Variants in SFI1 observed in about 807,000 individuals in gnomAD.
SFI1 encodes the protein protein SFI1 homolog.
Under a neutral mutation model 207.5 loss-of-function variants are expected in SFI1, and 195 were observed. That is an observed-to-expected ratio of 0.94 (90% CI 0.84 to 1.06). SFI1 has a LOEUF of 1.06. SFI1 is among the 50% of genes least tolerant of loss of function. SFI1 has a pLI of 0.00. For synonymous variants in SFI1, 630 were observed against 598.9 expected (o/e 1.05, Z -0.76); for missense variants, 1,634 against 1,588.0 (o/e 1.03, Z -0.49).
chr22:31,512,454 A>G (rs1009516318), intron 2 of SFI1, among the ~76,000 whole-genome samples: 2 of 141,794 alleles, frequency 1.4e-5, no homozygotes, highest in Non-Finnish European at 3.2e-5. Flanking sequence ...CTTTTTTTAT[A>G]TATTGACAAA....
intron 8 of SFI1, among the ~76,000 whole-genome samples, chr22:31,564,715 G>T (rs1440722401): frequency 6.7e-6 from 1 of 149,840 alleles, no homozygotes; most frequent in East Asian, 1.9e-4. Flanking sequence ...TCACCATGTT[G>T]CCCAGGCTGG....
Position 31,583,951 on chromosome 22 carries a change from A to C in SFI1, c.1325A>C (p.His442Pro), listed in dbSNP as rs189098164. Residue 442 changes from histidine (H) to proline (P), a missense_variant, in exon 13 of 33, where the codon CAT becomes CCT. Coordinates refer to ENST00000400288, the MANE Select transcript of SFI1 (RefSeq NM_001007467.3). ...KKERELLPLL[H>P]AAWDHYRIAL... ...GAAAGAGAGCTGCTCCCCTTACTGC[A>C]TGCTGCCTGGGACCACTACAGGTAG... 6.2e-7 allele frequency: 1 copy of C among 1,614,116 alleles called. No homozygotes were observed. Among genetic ancestry groups the C allele is most frequent in the Non-Finnish European group, 8.5e-7 (1 of 1,179,988 alleles).
chr22:31,604,522 C>A, intron 19 of SFI1, 118 bp downstream of exon 19: 1 of 905,172 alleles, frequency 1.1e-6, no homozygotes, highest in Non-Finnish European at 1.6e-6. Context: ...TGACACACCT[C>A]AAACCAAGCA....
chr22:31,507,202 C>T (rs1020692387), intron 1 of SFI1, among the ~76,000 whole-genome samples: 1 of 152,136 alleles, frequency 6.6e-6, no homozygotes, highest in Non-Finnish European at 1.5e-5. Flanking sequence ...AATAAGACTG[C>T]ACACCTACAA....
intron 4 of SFI1, among the ~76,000 whole-genome samples, chr22:31,540,517 T>A (rs1049677307): frequency 6.6e-6 from 1 of 151,774 alleles, no homozygotes; most frequent in East Asian, 2.0e-4. Flanking sequence ...CCTGACCTTG[T>A]GATCCACCCA....
At chr22:31,590,975 A>ATTTTTTTTTTTTTTT (rs997391866) in intron 15 of SFI1, among the ~76,000 whole-genome samples, 1 of 137,246 alleles carries the variant, frequency 7.3e-6, no homozygotes, top group African/African-American at 2.8e-5. Flanking sequence ...TTATTTATTT[A>ATTTTTTTTTTTTTTT]TTTATTTTTT....
chr22:31,545,569 A>AATTTTATTTT (rs554964981), intron 4 of SFI1, among the ~76,000 whole-genome samples: 11 of 92,582 alleles, frequency 1.2e-4, no homozygotes, highest in Admixed American at 1.2e-3. Context: ...AATTTAATTT[A>AATTTTATTTT]ATTTAATTTA....
intron 15 of SFI1, among the ~76,000 whole-genome samples, chr22:31,596,447 G>T (rs2067126130): frequency 6.6e-6 from 1 of 152,098 alleles, no homozygotes; most frequent in Admixed American, 6.6e-5. Context: ...AGACAGAGCA[G>T]CTTTGCCTTT....
At chr22:31,528,009 G>A (rs1884657994) in intron 2 of SFI1, among the ~76,000 whole-genome samples, 1 of 152,122 alleles carries the variant, frequency 6.6e-6, no homozygotes, top group African/African-American at 2.4e-5. Flanking sequence ...AGCTACTAGG[G>A]AGGCTGAGGC....
intron 3 of SFI1, chr22:31,530,597 C>T (rs1373722539): frequency 2.1e-6 from 1 of 469,974 alleles, no homozygotes; most frequent in Non-Finnish European, 4.4e-6. Context: ...TTCAGGGGCT[C>T]ACAGTGCAGA....
chr22:31,568,165 ATGTGTGTGTG>A (rs751455847), intron 8 of SFI1, among the ~76,000 whole-genome samples: 3 of 119,036 alleles, frequency 2.5e-5, no homozygotes, highest in East Asian at 2.7e-4. Flanking sequence ...CTATATATAT[ATGTGTGTGTG>A]TGTGTGTGTG....
intron 1 of SFI1, among the ~76,000 whole-genome samples, chr22:31,508,001 A>G (rs1014827326): frequency 1.3e-5 from 2 of 152,124 alleles, no homozygotes; most frequent in Admixed American, 6.6e-5. Flanking sequence ...GCTTGAGCCC[A>G]GGAGGTGGAG....
At chr22:31,587,207 A>G (rs2065132653) in intron 14 of SFI1, 1 of 186,614 alleles carries the variant, frequency 5.4e-6, no homozygotes. Context: ...TAGCATAACA[A>G]CTATGTACAT....
At chr22:31,594,440 C>A (rs945285858) in intron 15 of SFI1, among the ~76,000 whole-genome samples, 1 of 150,546 alleles carries the variant, frequency 6.6e-6, no homozygotes, top group Non-Finnish European at 1.5e-5. Context: ...CCCAGCTACT[C>A]GGGAGGCTGA....
At chr22:31,503,228 T>C (rs2054097094) in intron 1 of SFI1, among the ~76,000 whole-genome samples, 1 of 152,064 alleles carries the variant, frequency 6.6e-6, no homozygotes, top group South Asian at 2.1e-4. Flanking sequence ...TTAGTTTTTA[T>C]TGTTTTCTGA....
At chr22:31,525,565 A>G (rs2057804988) in intron 2 of SFI1, among the ~76,000 whole-genome samples, 2 of 152,126 alleles carry the variant, frequency 1.3e-5, no homozygotes, top group South Asian at 4.1e-4. Context: ...CATCTCTACA[A>G]AAAATTAGCC....
chr22:31,562,433 G>A (rs2061801878), intron 8 of SFI1, among the ~76,000 whole-genome samples: 1 of 125,398 alleles, frequency 8.0e-6, no homozygotes, highest in African/African-American at 3.3e-5. Context: ...TTGGGGCCCT[G>A]TCTCAAAAAA....
chr22:31,500,032 A>G (rs1219831768), intron 1 of SFI1, among the ~76,000 whole-genome samples: 2 of 150,118 alleles, frequency 1.3e-5, no homozygotes, highest in African/African-American at 4.9e-5. Context: ...TGCCGGATGC[A>G]GTATAATCCT....
At chr22:31,599,776 C>T (rs983027380) in intron 15 of SFI1, among the ~76,000 whole-genome samples, 20 of 151,700 alleles carry the variant, frequency 1.3e-4, no homozygotes, top group African/African-American at 4.4e-4. Flanking sequence ...ATGCCTGGCC[C>T]AGTTCTGTTT....
Sources: allele counts gnomAD v4.1 joint callset (sites outside exome capture counted in the v4.1 genomes callset), GRCh38; gene constraint gnomAD v4.1.1; transcripts MANE v1.5; gene names NCBI Gene and HGNC (gene_info 2026-07-23, HGNC 2026-07-21).